The following DNAJC15 variants were observed in gnomAD, a reference collection of about 807,000 sequenced individuals.
DNAJC15 encodes dnaJ homolog subfamily C member 15.
In DNAJC15, 27 loss-of-function variants were observed where a neutral mutation model predicts 22.4. The ratio of observed to expected loss-of-function variants is 1.20; its 90% CI spans 0.89 to 1.66. The LOEUF is 1.66. DNAJC15 is among the 40% of genes most tolerant of loss of function. DNAJC15 has a pLI of 0.00. For synonymous variants in DNAJC15, 79 were observed against 63.2 expected (o/e 1.25, Z -1.19); for missense variants, 208 against 187.1 (o/e 1.11, Z -0.65).
At chr13:43,068,600 G>T (rs1236938324) in intron 2 of DNAJC15, among the ~76,000 whole-genome samples, 1 of 151,850 alleles carries the variant, frequency 6.6e-6, no homozygotes, top group East Asian at 1.9e-4. Context: ...ACAGTTTGTT[G>T]TATAAAGAAT....
At chr13:43,025,624 G>T (rs556364123) in intron 1 of DNAJC15, among the ~76,000 whole-genome samples, 1 of 152,204 alleles carries the variant, frequency 6.6e-6, no homozygotes, top group Non-Finnish European at 1.5e-5. Flanking sequence ...ATGTCTACAG[G>T]CTGCGAGCGG....
intron 3 of DNAJC15, among the ~76,000 whole-genome samples, chr13:43,069,573 G>A (rs1309689208): frequency 6.6e-6 from 1 of 152,162 alleles, no homozygotes; most frequent in African/African-American, 2.4e-5. Context: ...AAATGAATGA[G>A]AGTATGTATC....
intron 4 of DNAJC15, 36 bp from the exon 5 acceptor site, chr13:43,085,732 G>T (rs773054604): frequency 6.4e-7 from 1 of 1,557,590 alleles, no homozygotes; most frequent in African/African-American, 1.4e-5. Context: ...TGCATTTGAT[G>T]CTATTTATTA....
Position 43,109,260 on chromosome 13 carries a change from A to G in DNAJC15, c.*2012A>G, listed in dbSNP as rs1323125583. The G allele has an allele frequency of 6.6e-6, 1 of 152,174 alleles. No homozygotes were observed. Among genetic ancestry groups the G allele is most frequent in the Non-Finnish European group, 1.5e-5 (1 of 68,018 alleles). The allele number at this position is 152,174 out of a possible 1,614,324, so 9.4% of individuals were successfully genotyped here. A position where few individuals can be genotyped will look rare whatever the true frequency, so the allele number is the denominator to read the frequency against. ...TGTGAAGCAACTCTTGGTGTAACAT[A>G]CCTTATTTCTCATACTAAAATGCAA... On this transcript the variant is annotated 3_prime_UTR_variant, in exon 6 of 6. Coordinates refer to ENST00000379221, the MANE Select transcript of DNAJC15 (RefSeq NM_013238.3).
At chr13:43,037,022 G>A (rs1424440070) in intron 1 of DNAJC15, among the ~76,000 whole-genome samples, 1 of 152,158 alleles carries the variant, frequency 6.6e-6, no homozygotes, top group Non-Finnish European at 1.5e-5. Context: ...GGGAGCACTG[G>A]CTCCTACCCT....
rs2040826513 is a variant in DNAJC15, at chr13:43,111,895, A to C, written c.*4647A>C. ...TCTACTTGTCAAAAACATTCCATGA[A>C]TTATGAGTCAAAATTTTATTTATGG... On this transcript the variant is annotated 3_prime_UTR_variant, in exon 6 of 6. Coordinates refer to ENST00000379221, the MANE Select transcript of DNAJC15 (RefSeq NM_013238.3). 1 of 152,246 alleles carries C rather than the reference A, an allele frequency of 6.6e-6. No homozygotes were observed. The allele number at this position is 152,246 out of a possible 1,614,324, so 9.4% of individuals were successfully genotyped here.
intron 2 of DNAJC15, among the ~76,000 whole-genome samples, chr13:43,068,140 A>G (rs2040592205): frequency 6.6e-6 from 1 of 152,164 alleles, no homozygotes; most frequent in African/African-American, 2.4e-5. Context: ...CTGTAGTGTC[A>G]TATACTGGTT....
chr13:43,064,990 A>G (rs1448789585), intron 1 of DNAJC15, among the ~76,000 whole-genome samples: 2 of 151,610 alleles, frequency 1.3e-5, no homozygotes, highest in Admixed American at 6.6e-5. Context: ...AAAAAAGAGA[A>G]TGGATATTGA....
Position 43,052,284 on chromosome 13 carries a change from T to C in DNAJC15, c.109-13402T>C, listed in dbSNP as rs530905458. Among the ~76,000 whole-genome samples the C allele has an allele frequency of 5.3e-5, 8 of 152,258 alleles. No homozygotes were observed. The South Asian group carries it at 1.5e-3, about 28-fold the overall frequency. On this transcript the variant is annotated intron_variant, in intron 1 of 5. Transcript: ENST00000379221. ...AGCCTATTTTTTGATTTTTAAATTA[T>C]GGCCATTCTTGCTGGAGTAAGGTGG...
At chr13:43,089,183 T>C (rs1441369471) in intron 5 of DNAJC15, among the ~76,000 whole-genome samples, 2 of 152,220 alleles carry the variant, frequency 1.3e-5, no homozygotes, top group African/African-American at 4.8e-5. Flanking sequence ...TTAAATAATT[T>C]CTTAGATTAG....
At chr13:43,097,670 G>A (rs926513262) in intron 5 of DNAJC15, among the ~76,000 whole-genome samples, 7 of 152,182 alleles carry the variant, frequency 4.6e-5, no homozygotes, top group Admixed American at 1.3e-4. Flanking sequence ...CGGTACGGTG[G>A]CTCATTCCTG....
rs139145399 is a variant in DNAJC15 at position 43,052,491 on chromosome 13, C to T, written c.109-13195C>T. Among the ~76,000 whole-genome samples, 227 of 152,042 alleles carry T rather than the reference C, an allele frequency of 1.5e-3. 6 individuals are homozygous for T. The East Asian group carries it at 0.039, about 26-fold the overall frequency. On this transcript the variant is annotated intron_variant, in intron 1 of 5. Transcript: ENST00000379221. ...GGAGTGCAGTGGTGTGATCTCAGCT[C>T]ACTACAACCTCCACCTCCTGGGTTC...
chr13:43,091,073 A>T (rs967509708), intron 5 of DNAJC15, among the ~76,000 whole-genome samples: 27 of 151,574 alleles, frequency 1.8e-4, no homozygotes, highest in African/African-American at 6.0e-4. Flanking sequence ...AATTTATTTT[A>T]TTTTTTTTAT....
chr13:43,091,113 C>G (rs1356213297), intron 5 of DNAJC15, among the ~76,000 whole-genome samples: 1 of 152,020 alleles, frequency 6.6e-6, no homozygotes, highest in Non-Finnish European at 1.5e-5. Flanking sequence ...GAGACAGAAT[C>G]TCACTCTGTC....
At chr13:43,043,490 A>AT (rs2040463196) in intron 1 of DNAJC15, among the ~76,000 whole-genome samples, 1 of 152,204 alleles carries the variant, frequency 6.6e-6, no homozygotes, top group Admixed American at 6.5e-5. Flanking sequence ...TACTTAAAAG[A>AT]TCATTCTTGT....
At chr13:43,086,129 C>G (rs2040687145) in intron 5 of DNAJC15, among the ~76,000 whole-genome samples, 3 of 152,124 alleles carry the variant, frequency 2.0e-5, no homozygotes, top group Non-Finnish European at 4.4e-5. Context: ...GAGTTATGGA[C>G]TCTTTGGTTG....
At chr13:43,089,202 G>A (rs2040702969) in intron 5 of DNAJC15, among the ~76,000 whole-genome samples, 1 of 152,146 alleles carries the variant, frequency 6.6e-6, no homozygotes, top group African/African-American at 2.4e-5. Context: ...AGATTGATAG[G>A]AAACAACCTG....
At chr13:43,104,960 A>ATTAC in intron 5 of DNAJC15, among the ~76,000 whole-genome samples, 1 of 152,026 alleles carries the variant, frequency 6.6e-6, no homozygotes, top group Middle Eastern at 3.4e-3. Flanking sequence ...AAGTGCTGGG[A>ATTAC]TTACAGGCGT....
chr13:43,101,743 A>G (rs2040770101), intron 5 of DNAJC15, among the ~76,000 whole-genome samples: 3 of 152,124 alleles, frequency 2.0e-5, no homozygotes, highest in Non-Finnish European at 4.4e-5. Flanking sequence ...TTCCATCCAG[A>G]TAGTTGCAAA....
Sources: gnomAD v4.1 joint callset for allele counts (sites outside exome capture counted in the v4.1 genomes callset) on GRCh38, gnomAD v4.1.1 for gene constraint, MANE v1.5 for transcripts, NCBI Gene and HGNC (gene_info 2026-07-23, HGNC 2026-07-21) for gene names.